LEPR: variants seen among roughly 807,000 people sequenced by gnomAD.
The protein encoded by LEPR is leptin receptor, also known as OB receptor.
LEPR carries 56 observed loss-of-function variants against 114.7 expected under a neutral mutation model. The observed-to-expected ratio is 0.49, with a 90% CI of 0.39 to 0.61. LEPR has a LOEUF of 0.61. Among genes scored for constraint, LEPR ranks in the 20% least tolerant of loss-of-function variants. The probability of loss-of-function intolerance (pLI) is 0.00; values close to 1 mark genes in which losing one functional copy is unlikely to be tolerated. For missense variants in LEPR, 1,202 were observed against 1,352.9 expected (o/e 0.89, Z 1.75); for synonymous variants, 443 against 461.4 (o/e 0.96, Z 0.51).
chr1:65,597,782 A>T (rs1210364210), intron 7 of LEPR, among the ~76,000 whole-genome samples: 1 of 152,132 alleles, frequency 6.6e-6, no homozygotes, highest in Non-Finnish European at 1.5e-5. Context: ...AAAATTTAAA[A>T]CATTTTATTT....
At chr1:65,567,912 A>G (rs1473267624) in intron 3 of LEPR, among the ~76,000 whole-genome samples, 1 of 149,614 alleles carries the variant, frequency 6.7e-6, no homozygotes, top group East Asian at 2.0e-4. Context: ...CTGACATATC[A>G]TTGTCACTCA....
At chr1:65,587,974 C>T (rs531863018) in intron 5 of LEPR, among the ~76,000 whole-genome samples, 1 of 151,992 alleles carries the variant, frequency 6.6e-6, no homozygotes, top group Non-Finnish European at 1.5e-5. Flanking sequence ...ACAAGGACTG[C>T]AAGATTTCTG....
chr1:65,620,162 G>A lies in LEPR; in HGVS notation c.2491+139G>A, dbSNP rs893543361. 20 of 687,156 alleles carry A rather than the reference G, an allele frequency of 2.9e-5. No homozygotes were observed. The African/African-American group carries it at 3.5e-4, about 12-fold the overall frequency. The allele number at this position is 687,156 out of a possible 1,614,324, so 42.6% of individuals were successfully genotyped here. A position where few individuals can be genotyped will look rare whatever the true frequency, so the allele number is the denominator to read the frequency against. ...TCTTCTGTAGATTTTTCATGGTGAG[G>A]TTCCAAAGGAAATATTTTTTTCCTC... On this transcript the variant is annotated intron_variant, in intron 17 of 19. Transcript: ENST00000349533.
intron 2 of LEPR, among the ~76,000 whole-genome samples, chr1:65,438,572 A>AC (rs1646599526): frequency 7.1e-6 from 1 of 141,748 alleles, no homozygotes; most frequent in African/African-American, 2.6e-5. Flanking sequence ...AAAAAAAAAA[A>AC]GACAGTTGAG....
chr1:65,537,213 G>A (rs573289540), intron 2 of LEPR, among the ~76,000 whole-genome samples: 1 of 152,254 alleles, frequency 6.6e-6, no homozygotes, highest in Non-Finnish European at 1.5e-5. Flanking sequence ...CTAGGACTTT[G>A]TGAGTAGCTA....
intron 2 of LEPR, among the ~76,000 whole-genome samples, chr1:65,528,183 C>A (rs1157543518): frequency 3.3e-5 from 5 of 150,328 alleles, no homozygotes; most frequent in Admixed American, 3.3e-4. Flanking sequence ...AAAGAACTCT[C>A]TTGGCAGATA....
At chr1:65,441,868 T>G (rs143950079) in intron 2 of LEPR, among the ~76,000 whole-genome samples, 2,459 of 152,300 alleles carry the variant, frequency 0.016, 46 homozygotes, top group South Asian at 0.092. Context: ...CCTCTCCCCT[T>G]TTCCCATTGC....
chr1:65,515,521 T>C (rs1025283726), intron 2 of LEPR, among the ~76,000 whole-genome samples: 1 of 152,222 alleles, frequency 6.6e-6, no homozygotes. Flanking sequence ...TATTTTTACT[T>C]TTGTACCCCA....
chr1:65,572,192 G>C, intron 4 of LEPR, 134 bp from the exon 5 acceptor site: 1 of 1,199,972 alleles, frequency 8.3e-7, no homozygotes, highest in Non-Finnish European at 1.1e-6. Context: ...TTTTCTCTCA[G>C]AATAGGCAAT....
In LEPR at chr1:65,608,597, C is replaced by T. The variant is rs1261757240; in HGVS notation, c.1604-156C>T. Reference sequence around the variant, plus strand: ...GATAAATCCCTCTTTTAATATATCACATAAAGTAATAGGGAAACAAATGAG... The same window carrying T: ...GATAAATCCCTCTTTTAATATATCATATAAAGTAATAGGGAAACAAATGAG... On this transcript the variant is annotated intron_variant, in intron 11 of 19. Transcript: ENST00000349533. 3.3e-5 allele frequency among the ~76,000 whole-genome samples: 5 copies of T among 152,078 alleles called. No homozygotes were observed. In the South Asian group the frequency reaches 8.3e-4, roughly 25 times the overall value.
chr1:65,573,172 C>T lies in LEPR; in HGVS notation c.494+723C>T, dbSNP rs186031380. On this transcript the variant is annotated intron_variant, in intron 5 of 19. Coordinates refer to ENST00000349533, the MANE Select transcript of LEPR (RefSeq NM_002303.6). The stretch of plus-strand genomic sequence containing the variant: ...GGCATATGGCCAAGGGATGGCCTTC[C>T]CATGTTATGGCTACATGGCTGTGAT... Among the ~76,000 whole-genome samples, 24 of 152,300 alleles carry T rather than the reference C, an allele frequency of 1.6e-4. No individual in the cohort carries two copies. The East Asian group carries it at 2.7e-3, about 17-fold the overall frequency.
At chr1:65,457,060 T>A (rs1646886136) in intron 2 of LEPR, among the ~76,000 whole-genome samples, 1 of 152,226 alleles carries the variant, frequency 6.6e-6, no homozygotes, top group Non-Finnish European at 1.5e-5. Context: ...CAAATAACAC[T>A]ATACTGCTTC....
intron 2 of LEPR, among the ~76,000 whole-genome samples, chr1:65,456,129 C>T (rs2100352931): frequency 6.6e-6 from 1 of 152,252 alleles, no homozygotes; most frequent in African/African-American, 2.4e-5. Flanking sequence ...CAATGCCTCG[C>T]CCAGCTTCGG....
At chr1:65,463,991 C>T (rs1222368205) in intron 2 of LEPR, among the ~76,000 whole-genome samples, 1 of 152,322 alleles carries the variant, frequency 6.6e-6, no homozygotes, top group East Asian at 1.9e-4. Context: ...TTGACTTCCT[C>T]TTTTCCTAAT....
At chr1:65,526,316 AAAC>A (rs953002190) in intron 2 of LEPR, 29 of 985,428 alleles carry the variant, frequency 2.9e-5, no homozygotes, top group Middle Eastern at 5.2e-4. Flanking sequence ...CAAGCAAATT[AAAC>A]AACAACAGTA....
At chr1:65,552,841 C>T (rs772513040) in intron 2 of LEPR, among the ~76,000 whole-genome samples, 20 of 152,186 alleles carry the variant, frequency 1.3e-4, no homozygotes, top group Non-Finnish European at 2.8e-4. Context: ...TATGTTTTTA[C>T]AGTGGCTGGT....
In LEPR at chr1:65,640,826, T is replaced by A. The variant is rs1658839366; in HGVS notation, c.*3811T>A. ...GCCCAGCTGGAGTGCAGTGATGTGA[T>A]CTCGGCTCACTGCAACCCCTGCTTC... On this transcript the variant is annotated 3_prime_UTR_variant, in exon 20 of 20. Coordinates refer to ENST00000349533, the MANE Select transcript of LEPR (RefSeq NM_002303.6). 6.6e-6 allele frequency: 1 copy of A among 150,936 alleles called. No homozygotes were observed. Among genetic ancestry groups the A allele is most frequent in the Non-Finnish European group, 1.5e-5 (1 of 67,958 alleles). 9.3% of individuals were successfully genotyped at this position (150,936 alleles called of 1,614,324 possible).
intron 19 of LEPR, chr1:65,635,233 A>G: frequency 1.0e-6 from 1 of 976,946 alleles, no homozygotes; most frequent in Non-Finnish European, 1.2e-6. Flanking sequence ...AGCTGAACAC[A>G]TTTTCTATAG....
At chr1:65,420,824 C>A in intron 1 of LEPR, 84 bp downstream of exon 1, 1 of 1,500,092 alleles carries the variant, frequency 6.7e-7, no homozygotes, top group Non-Finnish European at 9.0e-7. Flanking sequence ...GCCTTCCGCG[C>A]GCCGTTGGGG....
Sources: allele counts gnomAD v4.1 joint callset (sites outside exome capture counted in the v4.1 genomes callset), GRCh38; gene constraint gnomAD v4.1.1; transcripts MANE v1.5; gene names NCBI Gene and HGNC (gene_info 2026-07-23, HGNC 2026-07-21).